Variants in CFH observed in about 807,000 individuals in gnomAD.
CFH encodes complement factor H.
CFH carries 53 observed loss-of-function variants against 147.3 expected under a neutral mutation model. The ratio of observed to expected loss-of-function variants is 0.36; its 90% CI spans 0.29 to 0.45. CFH has a LOEUF of 0.45. Ranked by LOEUF, CFH falls within the 20% of genes least tolerant of loss-of-function variation. The pLI is 1.00. For missense variants in CFH, 1,380 were observed against 1,498.0 expected (o/e 0.92, Z 1.30); for synonymous variants, 536 against 489.4 (o/e 1.10, Z -1.26).
chr1:196,743,919 G>T (rs1299936983), intron 20 of CFH, among the ~76,000 whole-genome samples: 2 of 152,056 alleles, frequency 1.3e-5, no homozygotes, highest in East Asian at 3.8e-4. Context: ...TACATTATGT[G>T]CATTTGACAG....
intron 17 of CFH, among the ~76,000 whole-genome samples, chr1:196,739,341 G>A (rs896651140): frequency 6.6e-6 from 1 of 152,172 alleles, no homozygotes; most frequent in African/African-American, 2.4e-5. Flanking sequence ...ATTTTCTATT[G>A]CATTTACAAG....
At chr1:196,729,665 G>T (rs914092669) in intron 15 of CFH, among the ~76,000 whole-genome samples, 3 of 151,898 alleles carry the variant, frequency 2.0e-5, no homozygotes, top group South Asian at 2.1e-4. Context: ...AGAAGAATTG[G>T]TATTAGTCCT....
intron 9 of CFH, among the ~76,000 whole-genome samples, chr1:196,696,638 G>C (rs1668282784): frequency 6.6e-6 from 1 of 152,116 alleles, no homozygotes. Context: ...TTTCTTTACA[G>C]AATTGGAAAA....
chr1:196,664,874 ATTAT>A (rs1285261185), intron 1 of CFH, among the ~76,000 whole-genome samples: 1 of 152,050 alleles, frequency 6.6e-6, no homozygotes, highest in Admixed American at 6.6e-5. Flanking sequence ...AAAAATTGAA[ATTAT>A]TTGTCAACTT....
At chr1:196,704,622 G>A (rs1029965904) in intron 9 of CFH, among the ~76,000 whole-genome samples, 2 of 152,184 alleles carry the variant, frequency 1.3e-5, no homozygotes, top group South Asian at 4.1e-4. Context: ...TGCATCTCCA[G>A]TACAAGTCAA....
At position 196,741,857 on chromosome 1, in the gene CFH, A is replaced by G. The variant is rs957390889; in HGVS notation, c.2957-18A>G. 29 of 1,612,660 alleles carry G rather than the reference A, an allele frequency of 1.8e-5. No homozygotes were observed. The highest frequency in any genetic ancestry group is 2.2e-5 in the East Asian group (1 of 44,866). Reference sequence around the variant, plus strand: ...TTTTAAAGATTTGCGGAACAAATACATATTTTTCCTATTTCAGAAACAGAT... The same window carrying G: ...TTTTAAAGATTTGCGGAACAAATACGTATTTTTCCTATTTCAGAAACAGAT... On this transcript the variant is annotated intron_variant, in intron 18 of 21. Coordinates refer to ENST00000367429, the MANE Select transcript of CFH (RefSeq NM_000186.4).
chr1:196,743,234 TGAA>T (rs1459141735), intron 19 of CFH, among the ~76,000 whole-genome samples: 2 of 152,342 alleles, frequency 1.3e-5, no homozygotes, highest in East Asian at 1.9e-4. Flanking sequence ...TAGCGAAGGA[TGAA>T]GAAGAAATTT....
chr1:196,690,346 T>C (rs1439290196), intron 9 of CFH, 107 bp downstream of exon 9: 1 of 1,504,952 alleles, frequency 6.6e-7, no homozygotes, highest in Non-Finnish European at 9.2e-7. Flanking sequence ...TTATGTCACC[T>C]TGTTTTACCA....
At chr1:196,719,434 A>G (rs1040340242) in intron 11 of CFH, among the ~76,000 whole-genome samples, 1 of 151,934 alleles carries the variant, frequency 6.6e-6, no homozygotes. Context: ...TTCAAGTGTG[A>G]TTTTCTCAAA....
chr1:196,692,754 CTTT>C (rs1353569916), intron 9 of CFH, among the ~76,000 whole-genome samples: 11 of 8,532 alleles, frequency 1.3e-3, no homozygotes, highest in Admixed American at 3.8e-3. Flanking sequence ...CTTTTTCTTT[CTTT>C]CTTTCTTTCT....
intron 7 of CFH, among the ~76,000 whole-genome samples, chr1:196,688,882 A>T (rs1373878709): frequency 2.6e-5 from 4 of 152,100 alleles, no homozygotes; most frequent in African/African-American, 9.7e-5. Flanking sequence ...AAGTGCTGGG[A>T]TTACAGGCGT....
rs1419538585 is a variant in CFH, at chr1:196,742,183, T to A, written c.3133+132T>A. On this transcript the variant is annotated intron_variant, in intron 19 of 21. Transcript: ENST00000367429. ...TGAGGTCAGGAGTTCGAGACCAGCC[T>A]GGCCAACATGGTGAAAACCCGTCTC... 8.0e-6 allele frequency: 6 copies of A among 752,520 alleles called. No homozygotes were observed. In the Admixed American group the frequency reaches 1.1e-4, roughly 14 times the overall value. 46.6% of individuals were successfully genotyped at this position (752,520 alleles called of 1,614,324 possible). A position where few individuals can be genotyped will look rare whatever the true frequency, so the allele number is the denominator to read the frequency against.
At chr1:196,732,296 C>T (rs1381096981) in intron 15 of CFH, among the ~76,000 whole-genome samples, 3 of 151,452 alleles carry the variant, frequency 2.0e-5, no homozygotes, top group Non-Finnish European at 4.4e-5. Context: ...AAAACTTTTC[C>T]GTTCAGTTAT....
At chr1:196,697,970 C>G (rs1008931718) in intron 9 of CFH, among the ~76,000 whole-genome samples, 1 of 125,036 alleles carries the variant, frequency 8.0e-6, no homozygotes, top group Non-Finnish European at 1.5e-5. Context: ...CACATGGACA[C>G]AGGAAGGGGA....
At chr1:196,730,270 T>G (rs1485650898) in intron 15 of CFH, among the ~76,000 whole-genome samples, 2 of 151,924 alleles carry the variant, frequency 1.3e-5, no homozygotes, top group African/African-American at 4.8e-5. Flanking sequence ...CCATAAGTTT[T>G]GCTACGTTTT....
chr1:196,719,708 A>G (rs1668954377), intron 11 of CFH, among the ~76,000 whole-genome samples: 1 of 151,706 alleles, frequency 6.6e-6, no homozygotes, highest in Non-Finnish European at 1.5e-5. Flanking sequence ...ATTTTTAAAA[A>G]TTATAAACAT....
chr1:196,656,317 A>T (rs1034844527), intron 1 of CFH, among the ~76,000 whole-genome samples: 2 of 151,744 alleles, frequency 1.3e-5, no homozygotes, highest in South Asian at 2.1e-4. Context: ...AAGAAAAAAA[A>T]AAAAAAGAAA....
chr1:196,661,749 A>G (rs1007357300), intron 1 of CFH, among the ~76,000 whole-genome samples: 2 of 152,216 alleles, frequency 1.3e-5, no homozygotes, highest in East Asian at 3.8e-4. Context: ...TTAACTTACT[A>G]AAGTCTAATA....
chr1:196,691,803 A>G lies in CFH; in HGVS notation c.1336+1564A>G, dbSNP rs1668033345. ...TTCATGATGAATGTTTCTTGTTTCT[A>G]TTTAAAGGAATACTTCAAAAACATA... On this transcript the variant is annotated intron_variant, in intron 9 of 21. Coordinates refer to ENST00000367429, the MANE Select transcript of CFH (RefSeq NM_000186.4). Among the ~76,000 whole-genome samples, 3 of 151,982 alleles carry G rather than the reference A, an allele frequency of 2.0e-5. No homozygotes were observed. In the South Asian group the frequency reaches 6.2e-4, roughly 32 times the overall value.
Sources: allele counts gnomAD v4.1 joint callset (sites outside exome capture counted in the v4.1 genomes callset), GRCh38; gene constraint gnomAD v4.1.1; transcripts MANE v1.5; gene names NCBI Gene and HGNC (gene_info 2026-07-23, HGNC 2026-07-21).